B3GLCT: variants seen among roughly 807,000 people sequenced by gnomAD.
The protein encoded by B3GLCT is beta 3-glucosyltransferase, also known as beta-1,3-glucosyltransferase.
A neutral mutation model predicts 63.4 loss-of-function variants in B3GLCT; 65 were observed. The observed-to-expected ratio is 1.03, with a 90% CI of 0.84 to 1.26. B3GLCT has a LOEUF of 1.26. Ranked by LOEUF, B3GLCT falls within the 50% of genes most tolerant of loss-of-function variation. The probability of loss-of-function intolerance (pLI) is 0.00; values close to 1 mark genes in which losing one functional copy is unlikely to be tolerated. For missense variants in B3GLCT, 577 were observed against 604.8 expected (o/e 0.95, Z 0.48); for synonymous variants, 233 against 219.2 (o/e 1.06, Z -0.55).
At chr13:31,308,347 T>TTAAAA (rs1450252463) in intron 12 of B3GLCT, among the ~76,000 whole-genome samples, 23 of 23,672 alleles carry the variant, frequency 9.7e-4, no homozygotes, top group South Asian at 4.5e-3. Context: ...AAAAAAAAAT[T>TTAAAA]AAAAAAAAAA....
intron 9 of B3GLCT, 89 bp from the exon 10 acceptor site, chr13:31,276,613 T>C (rs763346181): frequency 1.2e-6 from 1 of 846,108 alleles, no homozygotes; most frequent in Non-Finnish European, 2.0e-6. Context: ...CATTGGTTAA[T>C]TTGAACTCTA....
At chr13:31,234,543 C>T (rs1026334256) in intron 4 of B3GLCT, among the ~76,000 whole-genome samples, 2 of 152,088 alleles carry the variant, frequency 1.3e-5, no homozygotes, top group African/African-American at 4.8e-5. Flanking sequence ...GTAAGGAGGA[C>T]AGCAGGTAAG....
intron 14 of B3GLCT, among the ~76,000 whole-genome samples, chr13:31,327,397 G>T (rs995778920): frequency 5.9e-5 from 9 of 152,148 alleles, no homozygotes; most frequent in African/African-American, 2.2e-4. Context: ...AACAAAGGGA[G>T]GATTCATGCC....
intron 2 of B3GLCT, among the ~76,000 whole-genome samples, chr13:31,221,779 G>C (rs779363514): frequency 1.3e-5 from 2 of 152,164 alleles, no homozygotes; most frequent in East Asian, 3.8e-4. Context: ...CACATTTCTT[G>C]TTGCAGTCTG....
chr13:31,258,606 CT>C (rs745897114), intron 6 of B3GLCT, among the ~76,000 whole-genome samples: 5 of 152,098 alleles, frequency 3.3e-5, no homozygotes, highest in African/African-American at 1.2e-4. Flanking sequence ...TGTCTTTCCC[CT>C]CTCATCATTT....
intron 14 of B3GLCT, among the ~76,000 whole-genome samples, chr13:31,326,731 T>C (rs533267707): frequency 4.6e-5 from 7 of 152,204 alleles, no homozygotes; most frequent in Non-Finnish European, 1.0e-4. Flanking sequence ...ATATGATTAT[T>C]AGAGGCTGCA....
intron 1 of B3GLCT, among the ~76,000 whole-genome samples, chr13:31,213,615 C>CT (rs1869393616): frequency 2.3e-5 from 1 of 43,446 alleles, no homozygotes; most frequent in Non-Finnish European, 5.4e-5. Context: ...AACACCCCCC[C>CT]ACCCCACCCC....
chr13:31,230,192 A>G (rs1870308125), intron 4 of B3GLCT, among the ~76,000 whole-genome samples: 2 of 152,232 alleles, frequency 1.3e-5, no homozygotes, highest in African/African-American at 4.8e-5. Flanking sequence ...TAAAATAGGC[A>G]TGAACAGAAT....
chr13:31,224,651 C>G (rs1252340766), intron 3 of B3GLCT, among the ~76,000 whole-genome samples: 1 of 151,988 alleles, frequency 6.6e-6, no homozygotes, highest in African/African-American at 2.4e-5. Flanking sequence ...AGCTTGCTGC[C>G]TAATTGATAG....
chr13:31,324,170 G>T (rs1593323006), intron 14 of B3GLCT, among the ~76,000 whole-genome samples: 1 of 152,026 alleles, frequency 6.6e-6, no homozygotes, highest in African/African-American at 2.4e-5. Flanking sequence ...GCTGTTTTTT[G>T]GTTTATCTTT....
At chr13:31,258,371 T>C (rs1436614689) in intron 6 of B3GLCT, among the ~76,000 whole-genome samples, 4 of 152,190 alleles carry the variant, frequency 2.6e-5, no homozygotes, top group Non-Finnish European at 5.9e-5. Flanking sequence ...TTCAACTTCA[T>C]GTTGGCATGA....
chr13:31,205,002 G>A (rs1868872883), intron 1 of B3GLCT, among the ~76,000 whole-genome samples: 1 of 152,150 alleles, frequency 6.6e-6, no homozygotes, highest in Non-Finnish European at 1.5e-5. Context: ...AATTTTAAGT[G>A]TATAGTTCTA....
intron 8 of B3GLCT, among the ~76,000 whole-genome samples, chr13:31,273,821 G>C (rs1872668516): frequency 6.6e-6 from 1 of 152,166 alleles, no homozygotes; most frequent in Non-Finnish European, 1.5e-5. Flanking sequence ...CCTGGCTTTT[G>C]GTTGCAAAAT....
At chr13:31,215,752 T>C (rs1011240353) in intron 2 of B3GLCT, among the ~76,000 whole-genome samples, 27 of 152,164 alleles carry the variant, frequency 1.8e-4, no homozygotes, top group African/African-American at 6.5e-4. Flanking sequence ...TTTAATTTTC[T>C]CAGTCTATGA....
chr13:31,277,831 C>G (rs1872872988), intron 10 of B3GLCT, among the ~76,000 whole-genome samples: 1 of 152,090 alleles, frequency 6.6e-6, no homozygotes, highest in African/African-American at 2.4e-5. Context: ...AATGGCCACA[C>G]TAAATTCCAA....
chr13:31,226,375 G>A (rs1358911074), intron 3 of B3GLCT, among the ~76,000 whole-genome samples: 1 of 152,196 alleles, frequency 6.6e-6, no homozygotes, highest in Non-Finnish European at 1.5e-5. Context: ...AAAAGGGAGA[G>A]GCCAGCATGA....
intron 10 of B3GLCT, among the ~76,000 whole-genome samples, chr13:31,278,160 T>C (rs1872887407): frequency 6.6e-6 from 1 of 152,174 alleles, no homozygotes; most frequent in Admixed American, 6.5e-5. Flanking sequence ...AATATTAATG[T>C]TAAGGATGGT....
At chr13:31,222,695 A>G (rs1869874284) in intron 2 of B3GLCT, among the ~76,000 whole-genome samples, 1 of 152,252 alleles carries the variant, frequency 6.6e-6, no homozygotes, top group East Asian at 1.9e-4. Context: ...CTTCAGCTCA[A>G]TCAATTGACT....
chr13:31,322,040 G>A (rs1875352173), intron 13 of B3GLCT, among the ~76,000 whole-genome samples: 1 of 152,134 alleles, frequency 6.6e-6, no homozygotes, highest in African/African-American at 2.4e-5. Flanking sequence ...TTATGCCTTT[G>A]CATCCTCATA....
Sources: allele counts gnomAD v4.1 joint callset (sites outside exome capture counted in the v4.1 genomes callset), GRCh38; gene constraint gnomAD v4.1.1; transcripts MANE v1.5; gene names NCBI Gene and HGNC (gene_info 2026-07-23, HGNC 2026-07-21).